The following RAPGEF5 variants were observed in gnomAD, a reference collection of about 807,000 sequenced individuals.
The protein encoded by RAPGEF5 is M-Ras-regulated GEF.
Under a neutral mutation model 125.2 loss-of-function variants are expected in RAPGEF5, and 65 were observed. The observed-to-expected ratio is 0.52, with a 90% CI of 0.43 to 0.64. The LOEUF is 0.64. Ranked by LOEUF, RAPGEF5 falls within the 30% of genes least tolerant of loss-of-function variation. The pLI is 0.00. For missense variants in RAPGEF5, 958 were observed against 1,048.1 expected, an observed-to-expected ratio of 0.91 and a Z score of 1.19; for synonymous variants, 391 against 385.9, an observed-to-expected ratio of 1.01 and a Z score of -0.16.
intron 10 of RAPGEF5, 48 bp downstream of exon 10, chr7:22,193,866 GA>G: frequency 6.2e-7 from 1 of 1,611,886 alleles, no homozygotes. Flanking sequence ...GGCAGGCAGG[GA>G]AAAGGAAACG....
In RAPGEF5 at chr7:22,137,000, A is replaced by G. The variant is rs768383050; in HGVS notation, c.2278-17T>C. The G allele has an allele frequency of 2.6e-6, 4 of 1,547,094 alleles. No individual in the cohort carries two copies. Among genetic ancestry groups the G allele is most frequent in the Non-Finnish European group, 3.5e-6 (4 of 1,134,748 alleles). On this transcript the variant is annotated splice_polypyrimidine_tract_variant and intron_variant, in intron 21 of 25. Coordinates refer to ENST00000665637, the MANE Select transcript of RAPGEF5 (RefSeq NM_012294.5). ...AGGGATTTTCTAAAAAACAAACACA[A>G]ACAAAAAACAGAAGGTCACAGAAGT...
intron 8 of RAPGEF5, among the ~76,000 whole-genome samples, chr7:22,225,823 TC>T (rs1785903728): frequency 2.0e-5 from 3 of 152,222 alleles, no homozygotes; most frequent in Admixed American, 1.3e-4. Context: ...GAGCTTTATT[TC>T]AAGGTCTGTT....
intron 1 of RAPGEF5, chr7:22,356,141 G>A: frequency 1.0e-6 from 1 of 985,296 alleles, no homozygotes; most frequent in Non-Finnish European, 1.2e-6. Flanking sequence ...GACCTGCTCA[G>A]GTCATTAGAT....
chr7:22,308,210 T>C (rs886818782), intron 5 of RAPGEF5, 129 bp downstream of exon 5: 3 of 906,416 alleles, frequency 3.3e-6, no homozygotes, highest in East Asian at 6.0e-5. Context: ...TAAATGTGCA[T>C]CTGAAAAATG....
At chr7:22,263,139 T>C (rs1782196039) in intron 7 of RAPGEF5, among the ~76,000 whole-genome samples, 2 of 152,236 alleles carry the variant, frequency 1.3e-5, no homozygotes, top group African/African-American at 4.8e-5. Context: ...GATTAGTGAT[T>C]GCCAGGAATT....
In RAPGEF5 at chr7:22,194,017, G is replaced by C; in HGVS notation, c.1013C>G (p.Thr338Arg). 1.2e-6 allele frequency: 2 copies of C among 1,613,650 alleles called. No individual in the cohort carries two copies. Among genetic ancestry groups the C allele is most frequent in the Non-Finnish European group, 1.7e-6 (2 of 1,179,704 alleles). The change falls in exon 10 of 26, where the codon ACG becomes AGG. Residue 338 changes from threonine (T) to arginine (R), a missense_variant. Physicochemically the swap from Thr to Arg is moderately conservative, Grantham distance 71 (BLOSUM62 -1). Coordinates refer to ENST00000665637, the MANE Select transcript of RAPGEF5 (RefSeq NM_012294.5). ...GTCTTGCTCTTTAACCTGAACAGTC[G>C]TCACTTCATCATCTTGCTTTAATTG... ...EKSEHQDDEV[T>R]TVQVKEQDQS...
At chr7:22,269,180 CAAAAAAAA>C (rs34791723) in intron 6 of RAPGEF5, among the ~76,000 whole-genome samples, 2 of 73,866 alleles carry the variant, frequency 2.7e-5, no homozygotes, top group African/African-American at 8.1e-5. Context: ...AAGTTTTTGA[CAAAAAAAA>C]AAAAAAAAAA....
At chr7:22,219,626 AT>A (rs1415039780) in intron 9 of RAPGEF5, among the ~76,000 whole-genome samples, 2 of 152,058 alleles carry the variant, frequency 1.3e-5, no homozygotes, top group Non-Finnish European at 2.9e-5. Flanking sequence ...GCTTAAATGT[AT>A]TCTCATATTT....
At chr7:22,340,410 G>A (rs1220971018) in intron 1 of RAPGEF5, among the ~76,000 whole-genome samples, 2 of 152,206 alleles carry the variant, frequency 1.3e-5, no homozygotes, top group African/African-American at 4.8e-5. Flanking sequence ...CAGGAAGAAG[G>A]CCGATCAGAG....
At position 22,139,066 on chromosome 7, in the gene RAPGEF5, C is replaced by T. The variant is rs193187076; in HGVS notation, c.2277+959G>A. On this transcript the variant is annotated intron_variant, in intron 21 of 25. Transcript: ENST00000665637. ...CACAGTGCATTCCTTCAGGGTATGA[C>T]CCCTGACTGAAAGAAAGCGAATCCA... Among the ~76,000 whole-genome samples, 395 of 152,272 alleles carry T rather than the reference C, an allele frequency of 2.6e-3. 3 individuals carry two copies. The highest frequency in any genetic ancestry group is 0.01 in the Admixed American group (154 of 15,294).
Position 22,145,050 on chromosome 7 carries a change from G to A in RAPGEF5, c.2180C>T (p.Ala727Val), listed in dbSNP as rs748801813. Reference protein sequence around the residue: ...VQLVKKFIKIAAHCKAQRNLN... With the variant: ...VQLVKKFIKIVAHCKAQRNLN... Reference sequence around the variant, plus strand: ...TCTCACACTAGAAACTTACTGAGCCGCAATTTTGATGAATTTTTTCACCAG... The same window carrying A: ...TCTCACACTAGAAACTTACTGAGCCACAATTTTGATGAATTTTTTCACCAG... The change falls in exon 20 of 26, where the codon GCG becomes GTG. Residue 727 changes from alanine (A) to valine (V), a missense_variant. By Grantham distance (64) the Ala-to-Val change is moderately conservative. Coordinates refer to ENST00000665637, the MANE Select transcript of RAPGEF5 (RefSeq NM_012294.5). 4.3e-6 allele frequency: 7 copies of A among 1,612,434 alleles called. No homozygotes were observed. Among genetic ancestry groups the A allele is most frequent in the Admixed American group, 1.7e-5 (1 of 59,932 alleles).
intron 1 of RAPGEF5, among the ~76,000 whole-genome samples, chr7:22,351,944 G>C (rs1159633454): frequency 6.6e-6 from 1 of 152,168 alleles, no homozygotes; most frequent in Admixed American, 6.5e-5. Flanking sequence ...TTCATTCAGA[G>C]GGCTACCAGC....
intron 11 of RAPGEF5, among the ~76,000 whole-genome samples, chr7:22,188,815 A>G (rs1784902115): frequency 6.6e-6 from 1 of 151,238 alleles, no homozygotes; most frequent in African/African-American, 2.4e-5. Flanking sequence ...GAGCTTCTGG[A>G]CTCTATCAGT....
chr7:22,348,862 G>A (rs80259780), intron 1 of RAPGEF5, among the ~76,000 whole-genome samples: 26,420 of 152,114 alleles, frequency 0.17, 2,407 homozygotes, highest in African/African-American at 0.2. Flanking sequence ...CAAGGCATGC[G>A]GATCACTTGA....
chr7:22,332,228 C>T (rs568982777), intron 1 of RAPGEF5, among the ~76,000 whole-genome samples: 1 of 152,324 alleles, frequency 6.6e-6, no homozygotes, highest in South Asian at 2.1e-4. Flanking sequence ...GTTGAAGGTT[C>T]TCTACCAGGG....
At chr7:22,262,728 G>A (rs539301268) in intron 7 of RAPGEF5, among the ~76,000 whole-genome samples, 19 of 128,914 alleles carry the variant, frequency 1.5e-4, no homozygotes, top group Non-Finnish European at 2.1e-4. Flanking sequence ...GTACATTCAT[G>A]CCACGGAACA....
chr7:22,193,236 C>A (rs1186592766), intron 11 of RAPGEF5, 131 bp downstream of exon 11: 4 of 964,102 alleles, frequency 4.1e-6, no homozygotes, highest in Non-Finnish European at 6.0e-6. Flanking sequence ...AGGCAAGGGA[C>A]GAGTCGCACA....
At chr7:22,231,629 G>C (rs1182311406) in intron 7 of RAPGEF5, among the ~76,000 whole-genome samples, 2 of 152,136 alleles carry the variant, frequency 1.3e-5, no homozygotes, top group African/African-American at 4.8e-5. Flanking sequence ...GGGCTTCTCT[G>C]AACTCTCTAG....
intron 9 of RAPGEF5, among the ~76,000 whole-genome samples, chr7:22,200,272 G>A (rs1032164000): frequency 2.0e-5 from 3 of 151,930 alleles, no homozygotes; most frequent in Non-Finnish European, 4.4e-5. Flanking sequence ...TGCTGACAAT[G>A]TATCTCATGA....
Sources: gnomAD v4.1 joint callset for allele counts (sites outside exome capture counted in the v4.1 genomes callset) on GRCh38, gnomAD v4.1.1 for gene constraint, MANE v1.5 for transcripts, NCBI Gene and HGNC (gene_info 2026-07-23, HGNC 2026-07-21) for gene names.